The following HS3ST4 variants were observed in gnomAD, a reference collection of about 807,000 sequenced individuals.
HS3ST4 encodes the protein heparan sulfate glucosamine 3-O-sulfotransferase 4.
A neutral mutation model predicts 29.2 loss-of-function variants in HS3ST4; 17 were observed. The observed-to-expected ratio is 0.58, with a 90% confidence interval of 0.40 to 0.87. The LOEUF (loss-of-function observed/expected upper bound fraction) is 0.87, where lower values mean the gene tolerates loss of function less well. HS3ST4 is among the 40% of genes least tolerant of loss of function. The pLI, the probability that HS3ST4 is intolerant of heterozygous loss-of-function variation, is 0.00. For missense variants in HS3ST4, 627 were observed against 634.5 expected (o/e 0.99, Z 0.13); for synonymous variants, 314 against 285.7 (o/e 1.10, Z -1.00).
intron 1 of HS3ST4, among the ~76,000 whole-genome samples, chr16:25,877,463 CA>C (rs1458400454): frequency 6.6e-6 from 1 of 152,128 alleles, no homozygotes; most frequent in Non-Finnish European, 1.5e-5. Flanking sequence ...CTTCAACCAC[CA>C]GAGGTGTCAT....
intron 1 of HS3ST4, among the ~76,000 whole-genome samples, chr16:25,862,163 ATATTTATTTATTTATT>A (rs60894635): frequency 0.41 from 59,315 of 144,626 alleles, 12,173 homozygotes; most frequent in Middle Eastern, 0.5. Flanking sequence ...ATTTATTTAC[ATATTTATTTATTTATT>A]TATTTATTTA....
At chr16:25,983,302 T>A (rs1485064103) in intron 1 of HS3ST4, among the ~76,000 whole-genome samples, 1 of 151,498 alleles carries the variant, frequency 6.6e-6, no homozygotes, top group Non-Finnish European at 1.5e-5. Flanking sequence ...AGAGCCCCCC[T>A]TGCTGAATAT....
chr16:26,113,629 G>A (rs551738961), intron 1 of HS3ST4, among the ~76,000 whole-genome samples: 7 of 152,058 alleles, frequency 4.6e-5, no homozygotes, highest in South Asian at 4.2e-4. Flanking sequence ...GATATGACTG[G>A]TTTTGGTCAA....
At chr16:25,965,769 T>C (rs1251999151) in intron 1 of HS3ST4, among the ~76,000 whole-genome samples, 2 of 152,244 alleles carry the variant, frequency 1.3e-5, no homozygotes, top group African/African-American at 4.8e-5. Flanking sequence ...ACAAAATACT[T>C]ACAAATATAC....
At chr16:25,775,273 A>G (rs918104983) in intron 1 of HS3ST4, among the ~76,000 whole-genome samples, 1 of 152,174 alleles carries the variant, frequency 6.6e-6, no homozygotes, top group Non-Finnish European at 1.5e-5. Flanking sequence ...TGTTGTTGGC[A>G]TGTGTCTGCA....
At chr16:25,750,711 C>T (rs546080295) in intron 1 of HS3ST4, among the ~76,000 whole-genome samples, 1 of 152,168 alleles carries the variant, frequency 6.6e-6, no homozygotes, top group South Asian at 2.1e-4. Context: ...CACTCACTTG[C>T]CTGGGCCTGT....
chr16:26,018,461 T>C (rs1969381548), intron 1 of HS3ST4, among the ~76,000 whole-genome samples: 1 of 152,164 alleles, frequency 6.6e-6, no homozygotes, highest in Non-Finnish European at 1.5e-5. Context: ...GCATTTACTG[T>C]GTACCAGGCA....
chr16:25,709,425 C>T (rs546640658), intron 1 of HS3ST4, among the ~76,000 whole-genome samples: 2 of 152,188 alleles, frequency 1.3e-5, no homozygotes, highest in African/African-American at 2.4e-5. Context: ...GCCCCTGGAT[C>T]TGGTTATCAA....
At chr16:26,039,687 A>C (rs1035241726) in intron 1 of HS3ST4, among the ~76,000 whole-genome samples, 2 of 152,074 alleles carry the variant, frequency 1.3e-5, no homozygotes, top group East Asian at 1.9e-4. Flanking sequence ...GGTCTTATTC[A>C]TTCTATTTTT....
At chr16:25,814,676 C>T (rs747576426) in intron 1 of HS3ST4, among the ~76,000 whole-genome samples, 5 of 152,116 alleles carry the variant, frequency 3.3e-5, no homozygotes, top group African/African-American at 4.8e-5. Flanking sequence ...TAAGTTTGGA[C>T]GCAGGCCAAA....
chr16:26,007,962 C>A (rs1969273096), intron 1 of HS3ST4, among the ~76,000 whole-genome samples: 1 of 151,082 alleles, frequency 6.6e-6, no homozygotes, highest in African/African-American at 2.4e-5. Context: ...GCCATAGATT[C>A]AGGCTCATCT....
chr16:25,855,757 T>C (rs1423783923), intron 1 of HS3ST4, among the ~76,000 whole-genome samples: 1 of 152,102 alleles, frequency 6.6e-6, no homozygotes, highest in Non-Finnish European at 1.5e-5. Flanking sequence ...GTGTGTATGT[T>C]TAGTCGTTTG....
At chr16:26,051,585 C>T (rs996838487) in intron 1 of HS3ST4, among the ~76,000 whole-genome samples, 3 of 152,034 alleles carry the variant, frequency 2.0e-5, no homozygotes, top group Non-Finnish European at 2.9e-5. Context: ...ACAGTTGGGA[C>T]GAGAGCTCTG....
intron 1 of HS3ST4, among the ~76,000 whole-genome samples, chr16:26,015,985 G>A (rs1969358905): frequency 6.6e-6 from 1 of 152,062 alleles, no homozygotes; most frequent in Non-Finnish European, 1.5e-5. Flanking sequence ...CGTCAGAGAT[G>A]CTGCTAGATA....
At chr16:25,725,029 C>T (rs1412539272) in intron 1 of HS3ST4, among the ~76,000 whole-genome samples, 3 of 93,932 alleles carry the variant, frequency 3.2e-5, no homozygotes, top group Non-Finnish European at 6.2e-5. Context: ...CTTCCTTCCT[C>T]CCTCTTTTTT....
intron 1 of HS3ST4, among the ~76,000 whole-genome samples, chr16:25,919,820 G>T (rs1968329468): frequency 1.3e-5 from 2 of 152,176 alleles, no homozygotes. Flanking sequence ...TGGAAATAAT[G>T]CTAGAGGAGT....
intron 1 of HS3ST4, among the ~76,000 whole-genome samples, chr16:26,051,746 G>C (rs971131898): frequency 1.3e-5 from 2 of 149,524 alleles, no homozygotes; most frequent in Non-Finnish European, 3.0e-5. Flanking sequence ...TCTGTTTTCT[G>C]TTTTCCCTCC....
At chr16:25,858,250 T>C (rs764533860) in intron 1 of HS3ST4, among the ~76,000 whole-genome samples, 53 of 152,028 alleles carry the variant, frequency 3.5e-4, no homozygotes, top group Non-Finnish European at 6.9e-4. Flanking sequence ...TGCATGCACA[T>C]ATATAATTTC....
chr16:25,804,576 T>G (rs904164124), intron 1 of HS3ST4, among the ~76,000 whole-genome samples: 1 of 152,202 alleles, frequency 6.6e-6, no homozygotes, highest in East Asian at 1.9e-4. Context: ...GCAATTCTGC[T>G]TGAAAATATG....
Sources: allele counts gnomAD v4.1 joint callset (sites outside exome capture counted in the v4.1 genomes callset), GRCh38; gene constraint gnomAD v4.1.1; transcripts MANE v1.5; gene names NCBI Gene and HGNC (gene_info 2026-07-23, HGNC 2026-07-21).